Variants in OPCML observed in about 807,000 individuals in gnomAD.
OPCML encodes the protein opioid binding protein/cell adhesion molecule like.
A neutral mutation model predicts 37.8 loss-of-function variants in OPCML; 13 were observed. That is an observed-to-expected ratio of 0.34 (90% CI 0.22 to 0.55). The LOEUF (loss-of-function observed/expected upper bound fraction) is 0.55. OPCML is among the 20% of genes least tolerant of loss of function. The probability of loss-of-function intolerance (pLI) is 0.91; values close to 1 mark genes in which losing one functional copy is unlikely to be tolerated. For missense variants in OPCML, 341 were observed against 435.6 expected, an observed-to-expected ratio of 0.78 and a Z score of 1.93; for synonymous variants, 176 against 168.8, an observed-to-expected ratio of 1.04 and a Z score of -0.33.
At chr11:132,547,336 C>T (rs2096371006) in intron 3 of OPCML, among the ~76,000 whole-genome samples, 6 of 152,114 alleles carry the variant, frequency 3.9e-5, no homozygotes, top group Admixed American at 3.9e-4. Context: ...TTGTCTATCC[C>T]TAAGACAAAG....
chr11:133,331,924 TG>T (rs1331871765), intron 1 of OPCML, among the ~76,000 whole-genome samples: 1 of 152,154 alleles, frequency 6.6e-6, no homozygotes, highest in African/African-American at 2.4e-5. Context: ...GGCTCTTTTT[TG>T]GTTCCATATA....
intron 3 of OPCML, among the ~76,000 whole-genome samples, chr11:132,592,532 A>G (rs2137716149): frequency 6.6e-6 from 1 of 152,308 alleles, no homozygotes; most frequent in Non-Finnish European, 1.5e-5. Context: ...GAGCTGTCTG[A>G]TGTATATAAA....
Position 132,825,185 on chromosome 11 carries a change from T to C in OPCML, c.146+117741A>G, listed in dbSNP as rs567731719. 4.6e-5 allele frequency among the ~76,000 whole-genome samples: 7 copies of C among 152,348 alleles called. No homozygotes were observed. In the South Asian group the frequency reaches 1.2e-3, roughly 27 times the overall value. On this transcript the variant is annotated intron_variant, in intron 2 of 7. Transcript: ENST00000524381. ...TTTTCTGTCCATCTCTAAGTTTTCCTCAATTTGAAAATTACCTGGCACGTA... is the reference window on the plus strand; with the variant it reads ...TTTTCTGTCCATCTCTAAGTTTTCCCCAATTTGAAAATTACCTGGCACGTA...
intron 1 of OPCML, among the ~76,000 whole-genome samples, chr11:133,014,047 C>T (rs1192689050): frequency 3.3e-5 from 5 of 152,210 alleles, no homozygotes; most frequent in Admixed American, 3.3e-4. Context: ...CTGAAGACAA[C>T]TTTACATTCT....
intron 1 of OPCML, among the ~76,000 whole-genome samples, chr11:133,367,217 T>C (rs986343549): frequency 2.6e-5 from 4 of 152,270 alleles, no homozygotes; most frequent in Admixed American, 2.6e-4. Flanking sequence ...GACCTCATGA[T>C]CCACCTGCCT....
chr11:132,530,386 A>G (rs1425816889), intron 3 of OPCML, among the ~76,000 whole-genome samples: 1 of 151,772 alleles, frequency 6.6e-6, no homozygotes, highest in Non-Finnish European at 1.5e-5. Flanking sequence ...GTTGTTTCTC[A>G]CCAATTTTCA....
chr11:133,175,956 T>C (rs532494487), intron 1 of OPCML, among the ~76,000 whole-genome samples: 2 of 152,278 alleles, frequency 1.3e-5, no homozygotes, highest in East Asian at 1.9e-4. Flanking sequence ...TGAAGGATTA[T>C]GGGAAAGCAG....
At chr11:132,683,951 C>T (rs962670498) in intron 2 of OPCML, among the ~76,000 whole-genome samples, 3 of 152,028 alleles carry the variant, frequency 2.0e-5, no homozygotes, top group Admixed American at 6.6e-5. Context: ...CATAATTTTG[C>T]CTCCCCGAGA....
chr11:132,487,623 T>C (rs2096204004), intron 4 of OPCML, among the ~76,000 whole-genome samples: 1 of 152,176 alleles, frequency 6.6e-6, no homozygotes, highest in Admixed American at 6.5e-5. Context: ...CTACTATGAA[T>C]GACACTTTCC....
chr11:133,249,195 A>T (rs1186006545), intron 1 of OPCML, among the ~76,000 whole-genome samples: 1 of 152,160 alleles, frequency 6.6e-6, no homozygotes, highest in Non-Finnish European at 1.5e-5. Context: ...AGGCTGTACT[A>T]GGAGCACAGG....
At chr11:133,147,874 A>C (rs922680098) in intron 1 of OPCML, among the ~76,000 whole-genome samples, 1 of 152,172 alleles carries the variant, frequency 6.6e-6, no homozygotes, top group Non-Finnish European at 1.5e-5. Flanking sequence ...CAAAGACGGA[A>C]TGATGATGGC....
intron 1 of OPCML, among the ~76,000 whole-genome samples, chr11:133,187,019 C>A (rs190051583): frequency 6.6e-6 from 1 of 152,180 alleles, no homozygotes; most frequent in East Asian, 1.9e-4. Flanking sequence ...TTCAGATGAT[C>A]CACAGCCTGT....
rs146034898 is a variant in OPCML, at chr11:133,418,127, C to T, written c.61+114137G>A. The T allele has an allele frequency of 6.2e-4, 606 of 985,312 alleles. 4 individuals carry two copies. The African/African-American group carries it at 9.3e-3, about 15-fold the overall frequency. 61.0% of individuals were successfully genotyped at this position (985,312 alleles called of 1,614,324 possible). On this transcript the variant is annotated intron_variant, in intron 1 of 7. Transcript: ENST00000524381. Reference sequence around the variant, plus strand: ...GACTGGTAAGAATATGGCGTGAAGTCGAAGACAGCAGGAAACAATCAAGAA... The same window carrying T: ...GACTGGTAAGAATATGGCGTGAAGTTGAAGACAGCAGGAAACAATCAAGAA...
intron 2 of OPCML, among the ~76,000 whole-genome samples, chr11:132,657,622 T>G (rs2135774446): frequency 6.6e-6 from 1 of 152,298 alleles, no homozygotes; most frequent in African/African-American, 2.4e-5. Flanking sequence ...AAAATCAGTT[T>G]ATGTTTCTTG....
chr11:133,449,426 G>T (rs535025772), intron 1 of OPCML, among the ~76,000 whole-genome samples: 1 of 152,322 alleles, frequency 6.6e-6, no homozygotes, highest in Non-Finnish European at 1.5e-5. Context: ...TGACTGGTGG[G>T]CCTTAGTTTG....
At chr11:133,440,399 C>CAAA (rs574269636) in intron 1 of OPCML, among the ~76,000 whole-genome samples, 2,280 of 100,154 alleles carry the variant, frequency 0.023, 69 homozygotes, top group African/African-American at 0.067. Flanking sequence ...AACTCCATCT[C>CAAA]AAAAAAAAAA....
At chr11:133,380,573 C>A (rs1944908913) in intron 1 of OPCML, among the ~76,000 whole-genome samples, 1 of 152,166 alleles carries the variant, frequency 6.6e-6, no homozygotes, top group Admixed American at 6.5e-5. Context: ...ATTGCATTAT[C>A]TTAAATGATG....
intron 1 of OPCML, among the ~76,000 whole-genome samples, chr11:133,168,678 G>C (rs1256723105): frequency 6.6e-6 from 1 of 152,080 alleles, no homozygotes; most frequent in Non-Finnish European, 1.5e-5. Context: ...AGCAACCAAT[G>C]GATCTTCCAA....
intron 1 of OPCML, among the ~76,000 whole-genome samples, chr11:133,232,829 A>C (rs1391213097): frequency 6.6e-6 from 1 of 152,228 alleles, no homozygotes; most frequent in Non-Finnish European, 1.5e-5. Flanking sequence ...AAGTGAATAA[A>C]ATTACCTTCT....
Sources: gnomAD v4.1 joint callset for allele counts (sites outside exome capture counted in the v4.1 genomes callset) on GRCh38, gnomAD v4.1.1 for gene constraint, MANE v1.5 for transcripts, NCBI Gene and HGNC (gene_info 2026-07-23, HGNC 2026-07-21) for gene names.